The following XPNPEP3 variants were observed in gnomAD, a reference collection of about 807,000 sequenced individuals.
The protein encoded by XPNPEP3 is xaa-Pro aminopeptidase 3.
Under a neutral mutation model 60.0 loss-of-function variants are expected in XPNPEP3, and 41 were observed. That is an observed-to-expected ratio of 0.68 (90% confidence interval 0.53 to 0.89). XPNPEP3 has a LOEUF of 0.89. XPNPEP3 is among the 40% of genes least tolerant of loss of function. The pLI is 0.00. For missense variants in XPNPEP3, 598 were observed against 638.9 expected, an observed-to-expected ratio of 0.94 and a Z score of 0.69; for synonymous variants, 212 against 223.2, an observed-to-expected ratio of 0.95 and a Z score of 0.45.
chr22:40,861,738 T>A, intron 1 of XPNPEP3: 1 of 1,613,796 alleles, frequency 6.2e-7, no homozygotes, highest in Non-Finnish European at 8.5e-7. Context: ...TGTGAAGCCG[T>A]ACTCACATTC....
intron 1 of XPNPEP3, among the ~76,000 whole-genome samples, chr22:40,865,076 C>G (rs2057971568): frequency 6.6e-6 from 1 of 152,166 alleles, no homozygotes; most frequent in South Asian, 2.1e-4. Flanking sequence ...TTTGTTGATC[C>G]TTTGCCTCCC....
intron 1 of XPNPEP3, chr22:40,862,040 G>A (rs373519766): frequency 2.1e-5 from 33 of 1,538,488 alleles, no homozygotes; most frequent in African/African-American, 1.7e-4. Flanking sequence ...ATTGAGAACC[G>A]TGGTTTCCTC....
At chr22:40,920,593 A>G (rs2058212732) in intron 7 of XPNPEP3, among the ~76,000 whole-genome samples, 1 of 152,166 alleles carries the variant, frequency 6.6e-6, no homozygotes, top group South Asian at 2.1e-4. Flanking sequence ...TCAGCCAGCT[A>G]GGCAACAAAC....
chr22:40,917,449 T>C (rs2058200149), intron 7 of XPNPEP3: 1 of 152,050 alleles, frequency 6.6e-6, no homozygotes, highest in African/African-American at 2.4e-5. Context: ...TGCTAACAGA[T>C]ACAAGATTTG....
chr22:40,887,901 G>A (rs992129872), intron 4 of XPNPEP3, among the ~76,000 whole-genome samples: 4 of 151,622 alleles, frequency 2.6e-5, no homozygotes, highest in African/African-American at 9.7e-5. Flanking sequence ...TCTCTCCAAG[G>A]TGTTGGCCAT....
intron 3 of XPNPEP3, among the ~76,000 whole-genome samples, chr22:40,883,358 T>C (rs1412282390): frequency 6.6e-6 from 1 of 152,064 alleles, no homozygotes; most frequent in African/African-American, 2.4e-5. Context: ...TTGAGTTCTT[T>C]TTTTGTTTTT....
intron 3 of XPNPEP3, among the ~76,000 whole-genome samples, chr22:40,884,486 T>C (rs1003298808): frequency 6.6e-6 from 1 of 151,352 alleles, no homozygotes; most frequent in Admixed American, 6.6e-5. Context: ...CGCGCCACCA[T>C]GCCCGGGGAA....
intron 4 of XPNPEP3, among the ~76,000 whole-genome samples, chr22:40,891,026 C>G (rs1276670876): frequency 1.3e-5 from 2 of 151,662 alleles, no homozygotes; most frequent in Non-Finnish European, 2.9e-5. Flanking sequence ...ATCTTGAAAA[C>G]AGCCAGATTT....
chr22:40,886,551 C>A (rs754011316), intron 4 of XPNPEP3, 36 bp downstream of exon 4: 2 of 1,601,000 alleles, frequency 1.2e-6, no homozygotes, highest in African/African-American at 2.7e-5. Context: ...TCCAGCCGGG[C>A]GCGGTGGCTC....
intron 4 of XPNPEP3, among the ~76,000 whole-genome samples, chr22:40,899,258 C>T (rs190010325): frequency 6.6e-6 from 1 of 152,210 alleles, no homozygotes; most frequent in African/African-American, 2.4e-5. Context: ...TGGGTTAGAG[C>T]TCCATCTGTT....
intron 1 of XPNPEP3, chr22:40,861,320 A>G (rs984724458): frequency 1.9e-6 from 3 of 1,614,074 alleles, no homozygotes; most frequent in Non-Finnish European, 2.5e-6. Flanking sequence ...TGGCCACACT[A>G]TTTACAAGAA....
chr22:40,916,073 A>G (rs989568098), intron 7 of XPNPEP3, among the ~76,000 whole-genome samples: 1 of 152,120 alleles, frequency 6.6e-6, no homozygotes, highest in Non-Finnish European at 1.5e-5. Flanking sequence ...TGGGCAGATT[A>G]CTTGAAGTCA....
intron 4 of XPNPEP3, among the ~76,000 whole-genome samples, chr22:40,899,173 C>T (rs765574054): frequency 7.2e-5 from 11 of 152,130 alleles, no homozygotes; most frequent in Non-Finnish European, 1.3e-4. Flanking sequence ...TCGCTGTCAA[C>T]TTGCCACTCG....
intron 4 of XPNPEP3, among the ~76,000 whole-genome samples, chr22:40,893,273 C>T (rs1031776980): frequency 6.7e-6 from 1 of 150,366 alleles, no homozygotes; most frequent in African/African-American, 2.4e-5. Context: ...TTTGGGAGGC[C>T]GAGGCAGGCG....
intron 4 of XPNPEP3, among the ~76,000 whole-genome samples, chr22:40,903,913 A>C (rs955750672): frequency 2.3e-5 from 3 of 128,188 alleles, no homozygotes; most frequent in Admixed American, 7.7e-5. Context: ...CACACACACA[A>C]GTTTCATGAA....
intron 1 of XPNPEP3, among the ~76,000 whole-genome samples, chr22:40,857,662 A>T (rs541207990): frequency 6.6e-6 from 1 of 152,334 alleles, no homozygotes; most frequent in South Asian, 2.1e-4. Flanking sequence ...CTCTTAGGAG[A>T]GGTAACTGTT....
intron 4 of XPNPEP3, among the ~76,000 whole-genome samples, chr22:40,896,050 T>C (rs148928334): frequency 2.0e-5 from 3 of 152,200 alleles, no homozygotes; most frequent in African/African-American, 7.2e-5. Context: ...TAGAGACTCA[T>C]TGGAACCTTT....
chr22:40,903,874 T>TCACACACACACACACACACA (rs10560459), intron 4 of XPNPEP3, among the ~76,000 whole-genome samples: 2 of 145,938 alleles, frequency 1.4e-5, no homozygotes, highest in African/African-American at 5.1e-5. Flanking sequence ...TCTCTCTCTG[T>TCACACACACACACACACACA]CACACACACA....
intron 6 of XPNPEP3, among the ~76,000 whole-genome samples, chr22:40,911,242 G>A (rs1436026702): frequency 1.3e-5 from 2 of 151,806 alleles, no homozygotes; most frequent in Non-Finnish European, 1.5e-5. Flanking sequence ...CTTATCTTTA[G>A]CACTATTCAT....
Sources: allele counts gnomAD v4.1 joint callset (sites outside exome capture counted in the v4.1 genomes callset), GRCh38; gene constraint gnomAD v4.1.1; transcripts MANE v1.5; gene names NCBI Gene and HGNC (gene_info 2026-07-23, HGNC 2026-07-21).